The following NAALADL2 variants were observed in gnomAD, a reference collection of about 807,000 sequenced individuals.
NAALADL2 encodes inactive N-acetylated-alpha-linked acidic dipeptidase-like protein 2.
In NAALADL2, 76 loss-of-function variants were observed where a neutral mutation model predicts 87.2. The observed-to-expected ratio is 0.87, with a 90% CI of 0.72 to 1.05. The LOEUF (loss-of-function observed/expected upper bound fraction) is 1.05, where lower values mean the gene tolerates loss of function less well. Ranked by LOEUF, NAALADL2 falls within the 50% of genes least tolerant of loss-of-function variation. The pLI, the probability that NAALADL2 is intolerant of heterozygous loss-of-function variation, is 0.00. For missense variants in NAALADL2, 1,089 were observed against 945.8 expected, an observed-to-expected ratio of 1.15 and a Z score of -1.99; for synonymous variants, 354 against 331.0, an observed-to-expected ratio of 1.07 and a Z score of -0.75.
At chr3:174,571,505 G>A (rs552531731) in intron 2 of NAALADL2, among the ~76,000 whole-genome samples, 59 of 152,080 alleles carry the variant, frequency 3.9e-4, no homozygotes, top group African/African-American at 1.3e-3. Context: ...TCAGCCTCCC[G>A]AGTAGCTGGG....
At position 175,444,636 on chromosome 3, in the gene NAALADL2, A is replaced by G. The variant is rs192739410; in HGVS notation, c.1091-2593A>G. Among the ~76,000 whole-genome samples the G allele has an allele frequency of 4.5e-4, 68 of 152,238 alleles. 1 individual carries two copies. In the East Asian group the frequency reaches 0.013, roughly 29 times the overall value. ...CTATTGCCATATGGAAATTCTTCAT[A>G]CTTTTTAAACAAGAGGTCCCACATT... On this transcript the variant is annotated intron_variant, in intron 5 of 13. Transcript: ENST00000454872.
intron 1 of NAALADL2, among the ~76,000 whole-genome samples, chr3:175,077,927 C>A (rs1346251431): frequency 6.6e-6 from 1 of 152,024 alleles, no homozygotes; most frequent in Non-Finnish European, 1.5e-5. Flanking sequence ...ATAGTTTTAC[C>A]TCTGTACACC....
intron 2 of NAALADL2, among the ~76,000 whole-genome samples, chr3:174,706,065 A>C (rs200789872): frequency 6.6e-6 from 1 of 152,200 alleles, no homozygotes; most frequent in East Asian, 1.9e-4. Flanking sequence ...TAGCCAAAGG[A>C]AGTGCTTGCT....
intron 1 of NAALADL2, among the ~76,000 whole-genome samples, chr3:174,506,803 C>T (rs961706413): frequency 6.6e-6 from 1 of 152,148 alleles, no homozygotes; most frequent in African/African-American, 2.4e-5. Flanking sequence ...ACGTTGAATA[C>T]ATTTTGAAAT....
At chr3:174,699,434 C>T (rs1165061982) in intron 2 of NAALADL2, among the ~76,000 whole-genome samples, 2 of 149,932 alleles carry the variant, frequency 1.3e-5, no homozygotes, top group African/African-American at 4.9e-5. Context: ...GCGGAGGTTG[C>T]AGTGAGCCAA....
At chr3:175,698,425 G>GTGTATA (rs1560995365) in intron 11 of NAALADL2, among the ~76,000 whole-genome samples, 3,264 of 85,422 alleles carry the variant, frequency 0.038, 1,130 homozygotes, top group African/African-American at 0.19. Context: ...GTATACATAT[G>GTGTATA]TATGTGTATA....
intron 3 of NAALADL2, among the ~76,000 whole-genome samples, chr3:175,237,789 G>T (rs1746163297): frequency 6.6e-6 from 1 of 151,920 alleles, no homozygotes; most frequent in Admixed American, 6.6e-5. Flanking sequence ...TGTTTTTCTG[G>T]GCATGTTGTA....
intron 10 of NAALADL2, among the ~76,000 whole-genome samples, chr3:175,578,323 TG>T (rs1392309095): frequency 6.6e-6 from 1 of 151,694 alleles, no homozygotes; most frequent in Non-Finnish European, 1.5e-5. Context: ...CTGGGGATGG[TG>T]GGGAGGGCTG....
intron 2 of NAALADL2, among the ~76,000 whole-genome samples, chr3:175,164,133 A>T (rs1265811438): frequency 6.6e-6 from 1 of 152,148 alleles, no homozygotes; most frequent in East Asian, 1.9e-4. Flanking sequence ...ACATTTTAAA[A>T]ATGTCCATTT....
chr3:174,989,734 A>T (rs913648695), intron 1 of NAALADL2, among the ~76,000 whole-genome samples: 1 of 152,216 alleles, frequency 6.6e-6, no homozygotes, highest in Non-Finnish European at 1.5e-5. Flanking sequence ...TGCAGTAAGA[A>T]ATTGAACCCG....
At position 175,798,426 on chromosome 3, in the gene NAALADL2, T is replaced by C. The variant is rs566488069; in HGVS notation, c.2190-4579T>C. On this transcript the variant is annotated intron_variant, in intron 13 of 13. Coordinates refer to ENST00000454872, the MANE Select transcript of NAALADL2 (RefSeq NM_207015.3). ...TGAGTGTTTATCTTCCATAATAGCT[T>C]GCCACAAGCCTACTACTTGAATCAT... Among the ~76,000 whole-genome samples, 8 of 152,170 alleles carry C rather than the reference T, an allele frequency of 5.3e-5. No homozygotes were observed. In the South Asian group the frequency reaches 1.4e-3, roughly 28 times the overall value.
At chr3:175,130,799 A>T (rs2108626976) in intron 2 of NAALADL2, among the ~76,000 whole-genome samples, 1 of 152,224 alleles carries the variant, frequency 6.6e-6, no homozygotes, top group East Asian at 1.9e-4. Context: ...CACTATTTTG[A>T]TTACTGTAGC....
chr3:175,460,114 C>T (rs910339107), intron 6 of NAALADL2: 19 of 455,344 alleles, frequency 4.2e-5, no homozygotes, highest in African/African-American at 3.6e-4. Flanking sequence ...TTTGTTATTG[C>T]TATGAAGAGT....
intron 4 of NAALADL2, among the ~76,000 whole-genome samples, chr3:175,274,234 A>G (rs1276648007): frequency 6.6e-6 from 1 of 152,140 alleles, no homozygotes; most frequent in East Asian, 1.9e-4. Flanking sequence ...GAACAGTCAG[A>G]TCTCATGAGA....
chr3:175,126,620 T>C (rs957331637), intron 2 of NAALADL2, among the ~76,000 whole-genome samples: 5 of 152,200 alleles, frequency 3.3e-5, no homozygotes, highest in African/African-American at 1.2e-4. Context: ...AGAGCTTTAT[T>C]GTCACCAAAA....
At chr3:175,156,704 T>G (rs1167071141) in intron 2 of NAALADL2, among the ~76,000 whole-genome samples, 2 of 152,074 alleles carry the variant, frequency 1.3e-5, no homozygotes, top group Non-Finnish European at 2.9e-5. Context: ...AGAGGACTTC[T>G]GGAACTAGCT....
intron 5 of NAALADL2, among the ~76,000 whole-genome samples, chr3:175,373,553 T>C (rs1766759391): frequency 1.3e-5 from 2 of 152,234 alleles, no homozygotes; most frequent in Admixed American, 6.5e-5. Context: ...AGTTTGCTAA[T>C]CCATTCTTTT....
intron 2 of NAALADL2, among the ~76,000 whole-genome samples, chr3:175,141,661 G>A (rs951127457): frequency 6.6e-6 from 1 of 152,082 alleles, no homozygotes; most frequent in African/African-American, 2.4e-5. Context: ...TTTAGATTGG[G>A]TAGAAGGCAT....
chr3:174,776,800 T>C (rs997882014), intron 3 of NAALADL2, among the ~76,000 whole-genome samples: 1 of 152,188 alleles, frequency 6.6e-6, no homozygotes, highest in African/African-American at 2.4e-5. Flanking sequence ...GATTCTGTTA[T>C]GAATAACTTC....
Sources: gnomAD v4.1 joint callset for allele counts (sites outside exome capture counted in the v4.1 genomes callset) on GRCh38, gnomAD v4.1.1 for gene constraint, MANE v1.5 for transcripts, NCBI Gene and HGNC (gene_info 2026-07-23, HGNC 2026-07-21) for gene names.